Variants in DNAH14 observed in about 807,000 individuals in gnomAD.
The protein encoded by DNAH14 is axonemal beta dynein heavy chain 14.
In DNAH14, 478 loss-of-function variants were observed where a neutral mutation model predicts 520.9. That is an observed-to-expected ratio of 0.92 (90% CI 0.85 to 0.99). The LOEUF is 0.99. Among genes scored for constraint, DNAH14 ranks in the 50% least tolerant of loss-of-function variants. DNAH14 has a pLI of 0.00. For missense variants in DNAH14, 4,831 were observed against 5,234.5 expected, an observed-to-expected ratio of 0.92 and a Z score of 2.38; for synonymous variants, 1,581 against 1,757.2, an observed-to-expected ratio of 0.90 and a Z score of 2.51.
intron 17 of DNAH14, among the ~76,000 whole-genome samples, chr1:225,059,597 A>T (rs2069701646): frequency 6.6e-6 from 1 of 152,240 alleles, no homozygotes. Context: ...TTTGCTCTTT[A>T]GTTGATGCAG....
intron 38 of DNAH14, among the ~76,000 whole-genome samples, chr1:225,201,802 A>ACCTTTCAT (rs1212974075): frequency 1.3e-4 from 20 of 149,944 alleles, no homozygotes; most frequent in Non-Finnish European, 1.0e-4. Flanking sequence ...ACGGGTCCTT[A>ACCTTTCAT]CCTTTCATTG....
chr1:225,152,046 G>A lies in DNAH14; in HGVS notation c.4982G>A (p.Cys1661Tyr), dbSNP rs569858510. 1.2e-5 allele frequency: 19 copies of A among 1,551,246 alleles called. No homozygotes were observed. The highest frequency in any genetic ancestry group is 2.7e-5 in the African/African-American group (2 of 73,152). Residue 1661 changes from cysteine to tyrosine, a missense_variant, in exon 32 of 86, where the codon TGT becomes TAT. Coordinates refer to ENST00000682510, the MANE Select transcript of DNAH14 (RefSeq NM_001367479.1). ...AAAGAAATTCGTATCAATATGTCTT[G>A]TGCGGTATTTATCACCATGAATCCC... The part of the protein sequence containing the change: ...EGKEIRINMS[C>Y]AVFITMNPRY...
Position 225,167,998 on chromosome 1 carries a change from GA to G in DNAH14, c.5507del (p.Lys1836ArgfsTer15). The G allele has an allele frequency of 6.5e-7, 1 of 1,539,002 alleles. No individual in the cohort carries two copies. The highest frequency in any genetic ancestry group is 2.5e-5 in the East Asian group (1 of 40,458). ...GLQNWSSQKE[K>X]IIQFYNQLQV... ...TACAAAACTGGTCATCTCAGAAAGA[GA>G]AGATTATACAGTTTTATAATCAACT... On this transcript the variant is annotated frameshift_variant, in exon 36 of 86. Transcript: ENST00000682510. LOFTEE classifies it high-confidence loss of function.
At chr1:225,274,479 C>G (rs567171872) in intron 52 of DNAH14, among the ~76,000 whole-genome samples, 48 of 152,242 alleles carry the variant, frequency 3.2e-4, no homozygotes, top group African/African-American at 1.1e-3. Flanking sequence ...CAGGCGTGAG[C>G]CACCGCGCCC....
Position 225,080,460 on chromosome 1 carries a change from G to T in DNAH14, c.2848G>T (p.Ala950Ser). 6.4e-7 allele frequency: 1 copy of T among 1,551,736 alleles called. No homozygotes were observed. Among genetic ancestry groups the T allele is most frequent in the Middle Eastern group, 1.7e-4 (1 of 5,992 alleles). ...GATCCAGACTCTCTCAGGGGAAGCT[G>T]CAAGTTTAACTAACAAAGCTAAAGC... Reference protein sequence around the residue: ...EMIQTLSGEAASLTNKAKAYS... With the variant: ...EMIQTLSGEASSLTNKAKAYS... Residue 950 changes from alanine (A) to serine (S), a missense_variant, in exon 19 of 86, where the codon GCA becomes TCA. Ala to Ser is a moderately conservative substitution (Grantham distance 99). Coordinates refer to ENST00000682510, the MANE Select transcript of DNAH14 (RefSeq NM_001367479.1).
intron 37 of DNAH14, among the ~76,000 whole-genome samples, chr1:225,189,881 T>G (rs2085200846): frequency 6.6e-6 from 1 of 152,016 alleles, no homozygotes; most frequent in South Asian, 2.1e-4. Flanking sequence ...TTGCCTTTTG[T>G]GTTTGATTTT....
intron 17 of DNAH14, among the ~76,000 whole-genome samples, chr1:225,057,593 C>T (rs1443732212): frequency 6.6e-6 from 1 of 152,128 alleles, no homozygotes; most frequent in African/African-American, 2.4e-5. Context: ...GAGAGGGCAT[C>T]CCTGTCTTGT....
intron 28 of DNAH14, among the ~76,000 whole-genome samples, chr1:225,141,655 T>C (rs2079474700): frequency 6.6e-6 from 1 of 152,110 alleles, no homozygotes; most frequent in East Asian, 1.9e-4. Context: ...CCCATTTCCA[T>C]CTAGACAGAG....
At chr1:225,250,084 A>G (rs1025576599) in intron 43 of DNAH14, among the ~76,000 whole-genome samples, 3 of 152,216 alleles carry the variant, frequency 2.0e-5, no homozygotes, top group Non-Finnish European at 4.4e-5. Context: ...TCTCTTGGGT[A>G]GATGCCTAAG....
chr1:225,024,388 A>T, intron 11 of DNAH14: 4 of 408,716 alleles, frequency 9.8e-6, no homozygotes, highest in Non-Finnish European at 1.3e-5. Context: ...TACTGTTAAA[A>T]ACAAAGCATT....
chr1:224,945,417 A>G (rs976635541), intron 1 of DNAH14, among the ~76,000 whole-genome samples: 1 of 151,492 alleles, frequency 6.6e-6, no homozygotes, highest in Admixed American at 6.6e-5. Context: ...AAGGTTTTTA[A>G]CTTCTTTGCC....
intron 41 of DNAH14, among the ~76,000 whole-genome samples, chr1:225,210,905 A>G (rs2088300741): frequency 2.0e-5 from 3 of 152,206 alleles, no homozygotes; most frequent in Admixed American, 1.3e-4. Context: ...ACCTGCAGCA[A>G]AGAGTCCTGA....
chr1:225,358,718 A>G (rs565270964), intron 74 of DNAH14, 66 bp downstream of exon 74: 1 of 1,472,742 alleles, frequency 6.8e-7, no homozygotes, highest in African/African-American at 1.4e-5. Context: ...CCCAAATCTT[A>G]CCTTGAATTG....
At position 225,135,005 on chromosome 1, in the gene DNAH14, T is replaced by C. The variant is rs992186504; in HGVS notation, c.4255-5763T>C. Among the ~76,000 whole-genome samples the C allele has an allele frequency of 3.3e-5, 5 of 152,148 alleles. No homozygotes were observed. The East Asian group carries it at 9.6e-4, about 29-fold the overall frequency. ...ATTTCTTGTTTGTATTTCTGTGGGGTCAGTGATGATATCCCCCTTATCATT... is the reference window on the plus strand; with the variant it reads ...ATTTCTTGTTTGTATTTCTGTGGGGCCAGTGATGATATCCCCCTTATCATT... On this transcript the variant is annotated intron_variant, in intron 27 of 85. Transcript: ENST00000682510.
chr1:225,019,853 A>G (rs1250899702), intron 10 of DNAH14, among the ~76,000 whole-genome samples: 1 of 152,196 alleles, frequency 6.6e-6, no homozygotes, highest in Non-Finnish European at 1.5e-5. Context: ...GACACAACTA[A>G]AGAAGGATGA....
intron 69 of DNAH14, among the ~76,000 whole-genome samples, chr1:225,341,344 G>A (rs760573094): frequency 3.9e-5 from 6 of 152,110 alleles, no homozygotes; most frequent in Non-Finnish European, 4.4e-5. Flanking sequence ...GCTGTTGGCC[G>A]GGCACGGTGG....
In DNAH14 at chr1:225,255,078, G is replaced by A. The variant is rs77887548; in HGVS notation, c.6865+2661G>A. On this transcript the variant is annotated intron_variant, in intron 44 of 85. Transcript: ENST00000682510. ...ATATTGATATGTAAATCCCAATATTGAGTACTGATGTGACAGACCATGACA... is the reference window on the plus strand; with the variant it reads ...ATATTGATATGTAAATCCCAATATTAAGTACTGATGTGACAGACCATGACA... Among the ~76,000 whole-genome samples, 1,019 of 152,292 alleles carry A rather than the reference G, an allele frequency of 6.7e-3. 8 individuals are homozygous for A. The highest frequency in any genetic ancestry group is 0.023 in the African/African-American group (949 of 41,556).
chr1:225,178,936 T>C (rs572394538), intron 36 of DNAH14, among the ~76,000 whole-genome samples: 256 of 152,312 alleles, frequency 1.7e-3, no homozygotes, highest in Non-Finnish European at 2.1e-3. Flanking sequence ...ATCTGATGGT[T>C]ATTTCAAGGG....
intron 1 of DNAH14, among the ~76,000 whole-genome samples, chr1:224,930,912 T>A (rs2058657044): frequency 6.6e-6 from 1 of 152,216 alleles, no homozygotes; most frequent in Non-Finnish European, 1.5e-5. Context: ...TACCATACTT[T>A]TAAACGATTA....
Sources: allele counts gnomAD v4.1 joint callset (sites outside exome capture counted in the v4.1 genomes callset), GRCh38; gene constraint gnomAD v4.1.1; transcripts MANE v1.5; gene names NCBI Gene and HGNC (gene_info 2026-07-23, HGNC 2026-07-21).